The following ADTRP variants were observed in gnomAD, a reference collection of about 807,000 sequenced individuals.
ADTRP encodes androgen-dependent TFPI-regulating protein.
Under a neutral mutation model 27.0 loss-of-function variants are expected in ADTRP, and 20 were observed. That is an observed-to-expected ratio of 0.74 (90% confidence interval 0.52 to 1.08). The LOEUF (loss-of-function observed/expected upper bound fraction) is 1.08, where lower values mean the gene tolerates loss of function less well. ADTRP is among the 50% of genes least tolerant of loss of function. The pLI, the probability that ADTRP is intolerant of heterozygous loss-of-function variation, is 0.00. For synonymous variants in ADTRP, 101 were observed against 105.2 expected, an observed-to-expected ratio of 0.96 and a Z score of 0.25; for missense variants, 251 against 275.0, an observed-to-expected ratio of 0.91 and a Z score of 0.62.
chr6:11,763,714 A>G (rs1763463163), intron 3 of ADTRP, among the ~76,000 whole-genome samples: 1 of 152,228 alleles, frequency 6.6e-6, no homozygotes, highest in Non-Finnish European at 1.5e-5. Flanking sequence ...GTATTTAAGA[A>G]CTTGGCAGAG....
chr6:11,742,875 A>C (rs548325428), intron 3 of ADTRP, among the ~76,000 whole-genome samples: 1 of 152,334 alleles, frequency 6.6e-6, no homozygotes, highest in African/African-American at 2.4e-5. Flanking sequence ...TTTTTGTTCC[A>C]ATTGTGAATC....
intron 3 of ADTRP, among the ~76,000 whole-genome samples, chr6:11,754,164 G>C (rs551771644): frequency 1.3e-5 from 2 of 152,288 alleles, no homozygotes; most frequent in South Asian, 4.2e-4. Flanking sequence ...GATACTGGCG[G>C]GTCCCCCTGT....
At chr6:11,769,822 C>A (rs978917641) in intron 1 of ADTRP, among the ~76,000 whole-genome samples, 1 of 151,968 alleles carries the variant, frequency 6.6e-6, no homozygotes, top group Non-Finnish European at 1.5e-5. Context: ...ATTATTTAAT[C>A]TTTATGTAGG....
At chr6:11,764,243 A>T (rs528227288) in intron 3 of ADTRP, among the ~76,000 whole-genome samples, 11 of 152,308 alleles carry the variant, frequency 7.2e-5, no homozygotes, top group Non-Finnish European at 1.2e-4. Flanking sequence ...ATTATCACAA[A>T]TCCATATGGC....
chr6:11,724,389 G>T (rs1455063113), intron 4 of ADTRP, among the ~76,000 whole-genome samples: 1 of 152,170 alleles, frequency 6.6e-6, no homozygotes, highest in Admixed American at 6.5e-5. Context: ...GCCATAAATA[G>T]AGTGTTAGGC....
chr6:11,753,605 T>C (rs1763120626), intron 3 of ADTRP, among the ~76,000 whole-genome samples: 1 of 152,222 alleles, frequency 6.6e-6, no homozygotes, highest in Non-Finnish European at 1.5e-5. Context: ...AGAAAGAGTA[T>C]GCATATTAAT....
Position 11,717,105 on chromosome 6 carries a change from C to T in ADTRP, c.659-2593G>A, listed in dbSNP as rs558849269. On this transcript the variant is annotated intron_variant, in intron 5 of 5. Transcript: ENST00000414691. Reference sequence around the variant, plus strand: ...TAATAGATCATATATCTTACCCAAACCAAATTCACAAAATGGATTTTAAGT... The same window carrying T: ...TAATAGATCATATATCTTACCCAAATCAAATTCACAAAATGGATTTTAAGT... 3 of 512,334 alleles carry T rather than the reference C, an allele frequency of 5.9e-6. No individual in the cohort carries two copies. The African/African-American group carries it at 6.1e-5, about 10-fold the overall frequency. 31.7% of individuals were successfully genotyped at this position (512,334 alleles called of 1,614,324 possible).
chr6:11,727,336 A>G (rs552135731), intron 4 of ADTRP, among the ~76,000 whole-genome samples: 1 of 150,782 alleles, frequency 6.6e-6, no homozygotes, highest in South Asian at 2.1e-4. Flanking sequence ...TCTTTAAGAT[A>G]TGCGTTCCAT....
At position 11,714,180 on chromosome 6, in the gene ADTRP, G is replaced by C. The variant is rs1761733395; in HGVS notation, c.*298C>G. 1 of 384,388 alleles carries C rather than the reference G, an allele frequency of 2.6e-6. No homozygotes were observed. The allele number at this position is 384,388 out of a possible 1,614,324, so 23.8% of individuals were successfully genotyped here. On this transcript the variant is annotated 3_prime_UTR_variant, in exon 6 of 6. Coordinates refer to ENST00000414691, the MANE Select transcript of ADTRP (RefSeq NM_032744.4). ...CTCTCTAGATGTTCTCTAACACCAA[G>C]TTTATGTGAGTTTCTTTGGCCAGAT...
intron 1 of ADTRP, among the ~76,000 whole-genome samples, chr6:11,774,498 C>A (rs915769083): frequency 6.6e-6 from 1 of 152,052 alleles, no homozygotes; most frequent in Non-Finnish European, 1.5e-5. Flanking sequence ...AGGCCAGCAA[C>A]CCCAAGGACT....
At chr6:11,772,334 C>T (rs1763810701) in intron 1 of ADTRP, among the ~76,000 whole-genome samples, 2 of 152,150 alleles carry the variant, frequency 1.3e-5, no homozygotes, top group Admixed American at 1.3e-4. Flanking sequence ...ATAACTAATG[C>T]AATTCAAAAA....
intron 4 of ADTRP, among the ~76,000 whole-genome samples, chr6:11,730,916 T>C (rs1762361153): frequency 6.6e-6 from 1 of 152,206 alleles, no homozygotes; most frequent in African/African-American, 2.4e-5. Flanking sequence ...GCGAGTAACA[T>C]TGTTAATTCT....
intron 3 of ADTRP, among the ~76,000 whole-genome samples, chr6:11,737,283 G>A (rs1762583334): frequency 6.6e-6 from 1 of 151,906 alleles, no homozygotes; most frequent in Admixed American, 6.6e-5. Flanking sequence ...TCCTCAGCTC[G>A]TGGCTGCCTC....
intron 4 of ADTRP, among the ~76,000 whole-genome samples, chr6:11,725,574 T>C (rs1464290103): frequency 6.6e-6 from 1 of 152,198 alleles, no homozygotes; most frequent in Non-Finnish European, 1.5e-5. Flanking sequence ...CCCTTGTTCA[T>C]TGTTGGTAGG....
At chr6:11,746,546 G>A (rs1025429149) in intron 3 of ADTRP, among the ~76,000 whole-genome samples, 4 of 152,132 alleles carry the variant, frequency 2.6e-5, no homozygotes, top group Admixed American at 1.3e-4. Context: ...ATTGCCAAAT[G>A]TCCCCTGCAG....
Position 11,745,771 on chromosome 6 carries a change from T to C in ADTRP, c.391-10088A>G, listed in dbSNP as rs145472345. Among the ~76,000 whole-genome samples, 60 of 152,150 alleles carry C rather than the reference T, an allele frequency of 3.9e-4. 1 individual carries two copies. The East Asian group carries it at 0.011, about 28-fold the overall frequency. On this transcript the variant is annotated intron_variant, in intron 3 of 5. Transcript: ENST00000414691. ...ATAACTACATGTGAGAGGTTACTTT[T>C]TCAATTATGAACATTTTTTTTCTTT...
At chr6:11,726,497 A>G (rs954342228) in intron 4 of ADTRP, among the ~76,000 whole-genome samples, 1 of 151,998 alleles carries the variant, frequency 6.6e-6, no homozygotes, top group Non-Finnish European at 1.5e-5. Flanking sequence ...ACACGTGTCC[A>G]TTTCCCCTTT....
intron 3 of ADTRP, among the ~76,000 whole-genome samples, chr6:11,742,386 C>T (rs1561755512): frequency 6.6e-6 from 1 of 152,080 alleles, no homozygotes; most frequent in African/African-American, 2.4e-5. Flanking sequence ...ACTAAAAAAG[C>T]CCATTTATTA....
At chr6:11,765,699 C>T (rs1305974411) in intron 3 of ADTRP, among the ~76,000 whole-genome samples, 1 of 152,020 alleles carries the variant, frequency 6.6e-6, no homozygotes, top group Non-Finnish European at 1.5e-5. Flanking sequence ...GTTTGGGTCC[C>T]TGTTACTGAT....
Sources: allele counts gnomAD v4.1 joint callset (sites outside exome capture counted in the v4.1 genomes callset), GRCh38; gene constraint gnomAD v4.1.1; transcripts MANE v1.5; gene names NCBI Gene and HGNC (gene_info 2026-07-23, HGNC 2026-07-21).